Variants in PCM1 observed in about 807,000 individuals in gnomAD.
PCM1 encodes the protein pericentriolar material 1 protein.
Under a neutral mutation model 241.9 loss-of-function variants are expected in PCM1, and 157 were observed. The ratio of observed to expected loss-of-function variants is 0.65; its 90% CI spans 0.57 to 0.74. The LOEUF (loss-of-function observed/expected upper bound fraction) is 0.74, where lower values mean the gene tolerates loss of function less well. PCM1 is among the 30% of genes least tolerant of loss of function. The probability of loss-of-function intolerance (pLI) is 0.00; values close to 1 mark genes in which losing one functional copy is unlikely to be tolerated. For missense variants in PCM1, 3,478 were observed against 2,360.1 expected, an observed-to-expected ratio of 1.47 and a Z score of -9.81; for synonymous variants, 1,085 against 784.9, an observed-to-expected ratio of 1.38 and a Z score of -6.39.
At chr8:18,017,937 T>G (rs2093378651) in intron 36 of PCM1, among the ~76,000 whole-genome samples, 1 of 152,126 alleles carries the variant, frequency 6.6e-6, no homozygotes, top group Non-Finnish European at 1.5e-5. Context: ...GGTATGTTAC[T>G]CTCCATAAGG....
chr8:18,015,538 A>G (rs570072842), intron 36 of PCM1, among the ~76,000 whole-genome samples: 1 of 152,246 alleles, frequency 6.6e-6, no homozygotes, highest in South Asian at 2.1e-4. Flanking sequence ...ACAATTTTGT[A>G]ATTGCAAACC....
chr8:17,958,329 T>C (rs1215406735), intron 13 of PCM1, among the ~76,000 whole-genome samples: 1 of 152,152 alleles, frequency 6.6e-6, no homozygotes, highest in African/African-American at 2.4e-5. Flanking sequence ...ATATGTTATC[T>C]TATTCAGTAA....
chr8:17,989,993 T>C lies in PCM1; in HGVS notation c.4531+14T>C. ...CAGATGATCTAGGTAAGCAGAATTG[T>C]TTATAATCTTAGAAACAACTTTAAG... On this transcript the variant is annotated intron_variant, in intron 27 of 38. Transcript: ENST00000325083. 6.6e-7 allele frequency: 1 copy of C among 1,508,316 alleles called. No homozygotes were observed. Among genetic ancestry groups the C allele is most frequent in the East Asian group, 2.5e-5 (1 of 40,172 alleles). The allele number at this position is 1,508,316 out of a possible 1,614,324, so 93.4% of individuals were successfully genotyped here.
chr8:17,977,835 C>T (rs1458261554), intron 23 of PCM1, among the ~76,000 whole-genome samples: 2 of 152,104 alleles, frequency 1.3e-5, no homozygotes, highest in Non-Finnish European at 2.9e-5. Context: ...AGGAATGAGA[C>T]TTCCATGCAC....
At chr8:18,019,163 T>C (rs1275732216) in intron 36 of PCM1, among the ~76,000 whole-genome samples, 2 of 151,866 alleles carry the variant, frequency 1.3e-5, no homozygotes, top group East Asian at 3.9e-4. Context: ...GCCACAGGGG[T>C]TCGCTGAAGC....
intron 17 of PCM1, among the ~76,000 whole-genome samples, chr8:17,964,202 T>C (rs2073874054): frequency 6.6e-6 from 1 of 152,228 alleles, no homozygotes; most frequent in Admixed American, 6.5e-5. Context: ...ACCTAGTGTC[T>C]ACTGTATTGG....
At chr8:17,944,357 A>G (rs1029036745) in intron 6 of PCM1, among the ~76,000 whole-genome samples, 4 of 152,186 alleles carry the variant, frequency 2.6e-5, no homozygotes, top group African/African-American at 9.7e-5. Flanking sequence ...CTCTAGGCTT[A>G]TAGTTCCTCA....
Position 17,963,262 on chromosome 8 carries a change from A to C in PCM1, c.2625A>C (p.Leu875=). The change falls in exon 17 of 39, where the codon CTA becomes CTC. Residue 875 remains leucine, a synonymous_variant. Transcript: ENST00000325083. ...VSLRSDGSEN[L]CTPQQSRTEK... The stretch of plus-strand genomic sequence containing the variant: ...TGAGAAGTGATGGATCTGAGAACCT[A>C]TGTACTCCTCAGCAAAGTAGAACAG... 1 of 1,605,036 alleles carries C rather than the reference A, an allele frequency of 6.2e-7. No homozygotes were observed. The highest frequency in any genetic ancestry group is 1.3e-5 in the African/African-American group (1 of 74,360).
intron 23 of PCM1, among the ~76,000 whole-genome samples, chr8:17,978,115 T>G (rs989917971): frequency 6.6e-6 from 1 of 152,090 alleles, no homozygotes; most frequent in Non-Finnish European, 1.5e-5. Context: ...AAAAATGACA[T>G]TAAGTTTTAA....
At chr8:17,936,085 C>T (rs1216536407) in intron 3 of PCM1, among the ~76,000 whole-genome samples, 2 of 152,200 alleles carry the variant, frequency 1.3e-5, no homozygotes, top group Non-Finnish European at 2.9e-5. Context: ...AGTTTTCTCT[C>T]CTCTGGTCCA....
intron 13 of PCM1, among the ~76,000 whole-genome samples, chr8:17,959,387 A>T (rs1402538799): frequency 6.6e-6 from 1 of 151,984 alleles, no homozygotes; most frequent in Admixed American, 6.6e-5. Flanking sequence ...ATATCGATGG[A>T]CTTTAGTTAA....
At chr8:17,983,415 T>C in intron 24 of PCM1, 1 of 335,020 alleles carries the variant, frequency 3.0e-6, no homozygotes, top group Non-Finnish European at 5.6e-6. Context: ...ATGTGACTAT[T>C]GTAAAAGATA....
chr8:17,947,097 T>C, intron 6 of PCM1, 89 bp from the exon 7 acceptor site: 1 of 706,366 alleles, frequency 1.4e-6, no homozygotes, highest in South Asian at 2.2e-5. Context: ...AATAATTTGT[T>C]ATCAATGTGT....
At chr8:18,012,630 C>CT (rs2092670429) in intron 34 of PCM1, among the ~76,000 whole-genome samples, 1 of 151,920 alleles carries the variant, frequency 6.6e-6, no homozygotes, top group Admixed American at 6.6e-5. Context: ...TTGTTGGGGT[C>CT]TTTTTTCATT....
Position 17,938,755 on chromosome 8 carries a change from G to T in PCM1, c.358G>T (p.Asp120Tyr). The T allele has an allele frequency of 6.2e-7, 1 of 1,610,914 alleles. No individual in the cohort carries two copies. Among genetic ancestry groups the T allele is most frequent in the Non-Finnish European group, 8.5e-7 (1 of 1,177,166 alleles). The part of the protein sequence containing the change: ...SDLDQRSIGS[D>Y]SQGRATAANN... ...TCATATATAGAGAAGCATTGGAAGT[G>T]ATTCCCAAGGTAGAGCAACAGCTGC... is the stretch of plus-strand genomic sequence containing the variant. Residue 120 changes from aspartate (D) to tyrosine (Y), a missense_variant, in exon 5 of 39, where the codon GAT (aspartate) becomes TAT (tyrosine). Asp to Tyr is a radical substitution (Grantham distance 160). Transcript: ENST00000325083.
Position 18,025,756 on chromosome 8 carries a change from G to C in PCM1, c.6049+98G>C. The C allele has an allele frequency of 6.0e-6, 4 of 665,506 alleles. No individual in the cohort carries two copies. In the South Asian group the frequency reaches 6.1e-5, roughly 10 times the overall value. 41.2% of individuals were successfully genotyped at this position (665,506 alleles called of 1,614,324 possible). A position where few individuals can be genotyped will look rare whatever the true frequency, so the allele number is the denominator to read the frequency against. On this transcript the variant is annotated intron_variant, in intron 38 of 38. Transcript: ENST00000325083. ...TTTTAAATATGCTACTACTGACCTG[G>C]GAGATTTAAGCCAAATACTAGAAAG...
At chr8:17,932,265 C>T (rs1340456457) in intron 2 of PCM1, among the ~76,000 whole-genome samples, 1 of 151,962 alleles carries the variant, frequency 6.6e-6, no homozygotes, top group African/African-American at 2.4e-5. Context: ...TTCTTTCCAC[C>T]ATATTTAAGG....
chr8:17,987,550 T>G (rs935217514), intron 26 of PCM1, among the ~76,000 whole-genome samples: 1 of 151,910 alleles, frequency 6.6e-6, no homozygotes, highest in African/African-American at 2.4e-5. Context: ...TTAAAGATGC[T>G]GTACTACTTG....
chr8:18,025,388 A>C lies in PCM1; in HGVS notation c.5869A>C (p.Lys1957Gln). The C allele has an allele frequency of 1.2e-6, 2 of 1,601,998 alleles. No homozygotes were observed. Among genetic ancestry groups the C allele is most frequent in the Non-Finnish European group, 8.5e-7 (1 of 1,171,740 alleles). ...YEAESGNISQ[K>Q]SDEEDFVKVE... ...AGCAGAATCTGGTAATATAAGTCAA[A>C]AGTCTGATGAAGAAGATTTTGTAAA... is the stretch of plus-strand genomic sequence containing the variant. Residue 1957 changes from lysine to glutamine, a missense_variant, in exon 37 of 39, where the codon AAG becomes CAG. Coordinates refer to ENST00000325083, the MANE Select transcript of PCM1 (RefSeq NM_006197.4).
Sources: allele counts gnomAD v4.1 joint callset (sites outside exome capture counted in the v4.1 genomes callset), GRCh38; gene constraint gnomAD v4.1.1; transcripts MANE v1.5; gene names NCBI Gene and HGNC (gene_info 2026-07-23, HGNC 2026-07-21).